The following HS6ST3 variants were observed in gnomAD, a reference collection of about 807,000 sequenced individuals.
HS6ST3 encodes heparan sulfate 6-O-sulfotransferase 3, also known as heparan-sulfate 6-O-sulfotransferase 3.
Under a neutral mutation model 36.7 loss-of-function variants are expected in HS6ST3, and 12 were observed. The observed-to-expected ratio is 0.33, with a 90% CI of 0.21 to 0.53. The LOEUF (loss-of-function observed/expected upper bound fraction) is 0.53, where lower values mean the gene tolerates loss of function less well. HS6ST3 is among the 20% of genes least tolerant of loss of function. HS6ST3 has a pLI of 0.95. For missense variants in HS6ST3, 584 were observed against 640.9 expected, an observed-to-expected ratio of 0.91 and a Z score of 0.96; for synonymous variants, 240 against 257.5, an observed-to-expected ratio of 0.93 and a Z score of 0.65.
At chr13:96,558,209 A>G (rs1399724562) in intron 1 of HS6ST3, among the ~76,000 whole-genome samples, 1 of 152,118 alleles carries the variant, frequency 6.6e-6, no homozygotes, top group East Asian at 1.9e-4. Context: ...TTCTTTGGGG[A>G]AAAAAAGTAC....
chr13:96,236,500 A>T (rs765470652), intron 1 of HS6ST3, among the ~76,000 whole-genome samples: 8 of 151,944 alleles, frequency 5.3e-5, no homozygotes, highest in Non-Finnish European at 8.8e-5. Flanking sequence ...ACTTTCCTCC[A>T]TACTCAGCTT....
At chr13:96,769,943 T>C (rs1463017581) in intron 1 of HS6ST3, among the ~76,000 whole-genome samples, 1 of 152,206 alleles carries the variant, frequency 6.6e-6, no homozygotes, top group Non-Finnish European at 1.5e-5. Flanking sequence ...TGCTCCTTAA[T>C]GCCTCTACAC....
intron 1 of HS6ST3, among the ~76,000 whole-genome samples, chr13:96,341,023 G>A (rs1200420579): frequency 6.6e-6 from 1 of 152,170 alleles, no homozygotes; most frequent in Non-Finnish European, 1.5e-5. Flanking sequence ...TGGGAGGGAA[G>A]ATGGCATACA....
At chr13:96,514,816 G>C (rs2056065614) in intron 1 of HS6ST3, among the ~76,000 whole-genome samples, 1 of 152,188 alleles carries the variant, frequency 6.6e-6, no homozygotes, top group Admixed American at 6.5e-5. Context: ...TCTTGAAGAG[G>C]AGTTATTCAT....
At chr13:96,494,653 T>C (rs73556392) in intron 1 of HS6ST3, among the ~76,000 whole-genome samples, 7,498 of 151,494 alleles carry the variant, frequency 0.049, 522 homozygotes, top group East Asian at 0.19. Flanking sequence ...AACATCCTGT[T>C]TCAAAACACA....
chr13:96,291,237 A>G (rs1031049241), intron 1 of HS6ST3, among the ~76,000 whole-genome samples: 4 of 152,174 alleles, frequency 2.6e-5, no homozygotes, highest in Non-Finnish European at 5.9e-5. Flanking sequence ...GGCCTCATAT[A>G]GTCTCTGGCA....
At chr13:96,122,710 A>G (rs1401353696) in intron 1 of HS6ST3, among the ~76,000 whole-genome samples, 1 of 152,178 alleles carries the variant, frequency 6.6e-6, no homozygotes, top group Non-Finnish European at 1.5e-5. Context: ...GGGTTATACA[A>G]TGTTCATATA....
intron 1 of HS6ST3, among the ~76,000 whole-genome samples, chr13:96,727,059 C>A (rs1260882429): frequency 6.6e-6 from 1 of 152,134 alleles, no homozygotes; most frequent in African/African-American, 2.4e-5. Context: ...TGATTAAAGT[C>A]TATCTTTCTA....
At chr13:96,335,173 A>G (rs912690209) in intron 1 of HS6ST3, among the ~76,000 whole-genome samples, 2 of 152,100 alleles carry the variant, frequency 1.3e-5, no homozygotes, top group African/African-American at 2.4e-5. Context: ...GTGCCCATCA[A>G]AGTCCATCCC....
At chr13:96,471,597 A>G (rs1253427734) in intron 1 of HS6ST3, among the ~76,000 whole-genome samples, 1 of 152,200 alleles carries the variant, frequency 6.6e-6, no homozygotes, top group Non-Finnish European at 1.5e-5. Context: ...TAAACTCTCT[A>G]AAGACTAATA....
At chr13:96,780,509 C>T (rs911761162) in intron 1 of HS6ST3, among the ~76,000 whole-genome samples, 3 of 152,088 alleles carry the variant, frequency 2.0e-5, no homozygotes, top group African/African-American at 7.2e-5. Context: ...TCTTATAGTT[C>T]TTAAACTTTG....
chr13:96,113,590 A>G (rs1445159469), intron 1 of HS6ST3, among the ~76,000 whole-genome samples: 1 of 152,218 alleles, frequency 6.6e-6, no homozygotes. Flanking sequence ...TACACTTACT[A>G]AATGAGTAAA....
chr13:96,166,575 C>CTTTTTTTTTTTTTTTTTTTTTT (rs765190619), intron 1 of HS6ST3, among the ~76,000 whole-genome samples: 6 of 131,592 alleles, frequency 4.6e-5, no homozygotes, highest in African/African-American at 8.5e-5. Context: ...TTCTTTCTTT[C>CTTTTTTTTTTTTTTTTTTTTTT]TTTTTTTTTT....
At chr13:96,818,572 G>A (rs1878470386) in intron 1 of HS6ST3, among the ~76,000 whole-genome samples, 1 of 152,200 alleles carries the variant, frequency 6.6e-6, no homozygotes, top group African/African-American at 2.4e-5. Flanking sequence ...AAGCCTTGGT[G>A]TTTGGGCCTG....
chr13:96,458,638 CAAAA>C (rs762733654), intron 1 of HS6ST3, among the ~76,000 whole-genome samples: 2 of 59,146 alleles, frequency 3.4e-5, no homozygotes, highest in Admixed American at 1.8e-4. Context: ...GTTCTCAAGA[CAAAA>C]AAAAAAAAAA....
rs74852261 is a variant in HS6ST3 at position 96,379,903 on chromosome 13, C to CT, written c.707+288341dup. 6.1e-3 allele frequency among the ~76,000 whole-genome samples: 933 copies of CT among 152,134 alleles called. 62 individuals carry two copies. The East Asian group carries it at 0.15, about 25-fold the overall frequency. On this transcript the variant is annotated intron_variant, in intron 1 of 1. Transcript: ENST00000376705. The stretch of plus-strand genomic sequence containing the variant: ...ACAGCCTAGTGCTTAGATGAGCACT[C>CT]TTTTTTTCAGAAGTGAATCAAGAGG...
intron 1 of HS6ST3, among the ~76,000 whole-genome samples, chr13:96,373,095 A>G (rs757822087): frequency 1.3e-5 from 2 of 151,878 alleles, no homozygotes; most frequent in Admixed American, 6.6e-5. Flanking sequence ...CCCTTTTTCT[A>G]TCTTCACATG....
intron 1 of HS6ST3, among the ~76,000 whole-genome samples, chr13:96,785,393 A>C: frequency 6.6e-6 from 1 of 151,706 alleles, no homozygotes; most frequent in Middle Eastern, 3.2e-3. Flanking sequence ...AATAACTCAG[A>C]TCAGTCAAAA....
chr13:96,433,316 A>G (rs9513143), intron 1 of HS6ST3, among the ~76,000 whole-genome samples: 104,020 of 151,930 alleles, frequency 0.68, 37,359 homozygotes, highest in African/African-American at 0.91. Flanking sequence ...ATAAGAAGAG[A>G]AAATTTGAAT....
Sources: allele counts gnomAD v4.1 joint callset (sites outside exome capture counted in the v4.1 genomes callset), GRCh38; gene constraint gnomAD v4.1.1; transcripts MANE v1.5; gene names NCBI Gene and HGNC (gene_info 2026-07-23, HGNC 2026-07-21).